The following AQP5 variants were observed in gnomAD, a reference collection of about 807,000 sequenced individuals.
AQP5 encodes aquaporin-5.
A neutral mutation model predicts 19.1 loss-of-function variants in AQP5; 15 were observed. The ratio of observed to expected loss-of-function variants is 0.79; its 90% CI spans 0.53 to 1.21. AQP5 has a LOEUF of 1.21. Among genes scored for constraint, AQP5 ranks in the 50% most tolerant of loss-of-function variants. The pLI, the probability that AQP5 is intolerant of heterozygous loss-of-function variation, is 0.00. For synonymous variants in AQP5, 182 were observed against 160.3 expected (o/e 1.14, Z -1.02); for missense variants, 355 against 357.1 (o/e 0.99, Z 0.05).
At chr12:49,962,696 T>G in intron 1 of AQP5, 4 of 302,144 alleles carry the variant, frequency 1.3e-5, no homozygotes, top group Non-Finnish European at 1.3e-5. Flanking sequence ...CCTGGGCCCC[T>G]CACCTCTCCC....
rs1170327083 is a variant in AQP5, at chr12:49,965,190, A to G, written c.*13A>G. On this transcript the variant is annotated 3_prime_UTR_variant, in exon 4 of 4. Coordinates refer to ENST00000293599, the MANE Select transcript of AQP5 (RefSeq NM_001651.4). ...GACCACCCGCTGACCAGTGTCAGGC[A>G]GGGGCCAGCCCCTCAGCCCCTGAGC... is the stretch of plus-strand genomic sequence containing the variant. 3.8e-6 allele frequency: 6 copies of G among 1,597,180 alleles called. No individual in the cohort carries two copies. Among genetic ancestry groups the G allele is most frequent in the Non-Finnish European group, 5.1e-6 (6 of 1,171,992 alleles).
intron 2 of AQP5, 79 bp downstream of exon 2, chr12:49,963,735 C>A: frequency 6.6e-7 from 1 of 1,521,796 alleles, no homozygotes; most frequent in South Asian, 1.2e-5. Context: ...GAGCGGAGCC[C>A]ACTTCAGATG....
At chr12:49,963,805 GC>G in intron 2 of AQP5, 149 bp downstream of exon 2, 1 of 1,177,568 alleles carries the variant, frequency 8.5e-7, no homozygotes, top group Non-Finnish European at 1.2e-6. Context: ...GCCCTACTGG[GC>G]CCCAGAATTG....
chr12:49,963,592 C>A lies in AQP5; in HGVS notation c.464C>A (p.Thr155Asn), dbSNP rs753119460. ...TTCGCCTCCACTGACTCCCGCCGCA[C>A]CAGCCCTGTGGGCTCCCCAGCCCTG... Reference protein sequence around the residue: ...CIFASTDSRRTSPVGSPALSI... With the variant: ...CIFASTDSRRNSPVGSPALSI... The change falls in exon 2 of 4, where the codon ACC (threonine) becomes AAC (asparagine). Residue 155 changes from threonine (T) to asparagine (N), a missense_variant. Physicochemically the swap from Thr to Asn is moderately conservative, Grantham distance 65 (BLOSUM62 0). Transcript: ENST00000293599. 2 of 1,613,904 alleles carry A rather than the reference C, an allele frequency of 1.2e-6. No homozygotes were observed. The highest frequency in any genetic ancestry group is 1.7e-5 in the Admixed American group (1 of 60,038).
In AQP5 at chr12:49,964,975, T is replaced by C. The variant is rs747023768; in HGVS notation, c.613-17T>C. The C allele has an allele frequency of 4.4e-6, 7 of 1,608,152 alleles. No individual in the cohort carries two copies. In the Admixed American group the frequency reaches 6.7e-5, roughly 15 times the overall value. The stretch of plus-strand genomic sequence containing the variant: ...GTCTGGGGCTCAGCGCCCTGACTCC[T>C]GCCCTGTCTCCACCAGGTTTTCTGG... On this transcript the variant is annotated splice_polypyrimidine_tract_variant and intron_variant, in intron 3 of 3. Transcript: ENST00000293599.
chr12:49,964,618 C>T (rs1380533062), intron 3 of AQP5: 1 of 984,426 alleles, frequency 1.0e-6, no homozygotes, highest in Non-Finnish European at 1.2e-6. Flanking sequence ...CATGGTCACT[C>T]TCTCCAGGGT....
Position 49,965,450 on chromosome 12 carries a change from C to T in AQP5, c.*273C>T, listed in dbSNP as rs975967324. On this transcript the variant is annotated 3_prime_UTR_variant, in exon 4 of 4. Transcript: ENST00000293599. ...TGCCAAGCTCACAGGCTGCAAGGGC[C>T]AGGCCAGAAAAGGGCGGGCCTGCAG... is the stretch of plus-strand genomic sequence containing the variant. The T allele has an allele frequency of 9.8e-5, 32 of 326,330 alleles. 2 individuals are homozygous for T. The East Asian group carries it at 1.8e-3, about 18-fold the overall frequency. The allele number at this position is 326,330 out of a possible 1,614,324, so 20.2% of individuals were successfully genotyped here.
In AQP5 at chr12:49,964,761, T is replaced by C. The variant is rs296754; in HGVS notation, c.613-231T>C. The C allele has an allele frequency of 0.96, 950,589 of 985,266 alleles. 463,975 individuals carry two copies. The highest frequency in any genetic ancestry group is 1 in the Non-Finnish European group (825,954 of 829,928). The allele number at this position is 985,266 out of a possible 1,614,324, so 61.0% of individuals were successfully genotyped here. A position where few individuals can be genotyped will look rare whatever the true frequency, so the allele number is the denominator to read the frequency against. On this transcript the variant is annotated intron_variant, in intron 3 of 3. Transcript: ENST00000293599. ...GAGGGAGCCTGTCCCTCTGGGAATC[T>C]GTTTGCCTTCTTTGAGGGTCTAGGT... is the stretch of plus-strand genomic sequence containing the variant.
chr12:49,962,229 C>CCAT lies in AQP5; in HGVS notation c.215_217dup (p.Ile72dup). 1.9e-6 allele frequency: 3 copies of CCAT among 1,606,636 alleles called. No homozygotes were observed. Among genetic ancestry groups the CCAT allele is most frequent in the Non-Finnish European group, 2.5e-6 (3 of 1,179,858 alleles). ...GTGAGCGGCGGCCACATCAACCCCG[C>CCAT]CATCACCCTGGCCCTCTTGGTGGGC... On this transcript the variant is annotated inframe_insertion, in exon 1 of 4. Transcript: ENST00000293599.
intron 3 of AQP5, among the ~76,000 whole-genome samples, chr12:49,964,438 G>A (rs1947465140): frequency 6.6e-6 from 1 of 151,986 alleles, no homozygotes; most frequent in South Asian, 2.1e-4. Flanking sequence ...ACCTGGAGGT[G>A]CAGAGGGGCT....
intron 3 of AQP5, 106 bp downstream of exon 3, chr12:49,964,281 G>C: frequency 8.3e-7 from 1 of 1,205,020 alleles, no homozygotes. Flanking sequence ...AGAGCTTGGG[G>C]GTGGGCCACG....
Position 49,962,274 on chromosome 12 carries a change from G to C in AQP5, c.257G>C (p.Arg86Pro). The C allele has an allele frequency of 1.2e-6, 2 of 1,607,344 alleles. No homozygotes were observed. Among genetic ancestry groups the C allele is most frequent in the Non-Finnish European group, 1.7e-6 (2 of 1,179,884 alleles). ...GTGGGCAACCAGATCTCGCTGCTCCGGGCTTTCTTCTACGTGGCGGCCCAG... is the reference window on the plus strand; with the variant it reads ...GTGGGCAACCAGATCTCGCTGCTCCCGGCTTTCTTCTACGTGGCGGCCCAG... Reference protein sequence around the residue: ...LLVGNQISLLRAFFYVAAQLV... With the variant: ...LLVGNQISLLPAFFYVAAQLV... The change falls in exon 1 of 4, where the codon CGG becomes CCG. Residue 86 changes from arginine (R) to proline (P), a missense_variant. Arg to Pro is a moderately radical substitution (Grantham distance 103). Coordinates refer to ENST00000293599, the MANE Select transcript of AQP5 (RefSeq NM_001651.4).
chr12:49,964,766 G>A (rs1260363505), intron 3 of AQP5: 5 of 985,272 alleles, frequency 5.1e-6, no homozygotes, highest in African/African-American at 1.7e-5. Flanking sequence ...GAATCTGTTT[G>A]CCTTCTTTGA....
rs113790287 is a variant in AQP5, at chr12:49,962,359, G to A, written c.342G>A (p.Arg114=). Residue 114 remains arginine (R), a synonymous_variant, in exon 1 of 4, where the codon CGG becomes CGA. Coordinates refer to ENST00000293599, the MANE Select transcript of AQP5 (RefSeq NM_001651.4). ...ILYGVAPLNA[R]GNLAVNALNN... ...ACGGTGTGGCACCGCTCAATGCCCG[G>A]GGCAATCTGGCCGTCAACGCGGTGA... is the stretch of plus-strand genomic sequence containing the variant. 47 of 1,596,798 alleles carry A rather than the reference G, an allele frequency of 2.9e-5. No homozygotes were observed. The African/African-American group carries it at 5.3e-4, about 18-fold the overall frequency.
At position 49,964,169 on chromosome 12, in the gene AQP5, T is replaced by A; in HGVS notation, c.606T>A (p.Ala202=). Residue 202 remains alanine (A), a synonymous_variant, in exon 3 of 4, where the codon GCT becomes GCA. Coordinates refer to ENST00000293599, the MANE Select transcript of AQP5 (RefSeq NM_001651.4). ...PAVVMNRFSP[A]HWVFWVGPIV... Reference sequence around the variant, plus strand: ...TGGTCATGAATCGGTTCAGCCCCGCTCACTGGGTGAGTCTGTCCCTTCCCC... The same window carrying A: ...TGGTCATGAATCGGTTCAGCCCCGCACACTGGGTGAGTCTGTCCCTTCCCC... The A allele has an allele frequency of 6.2e-7, 1 of 1,614,014 alleles. No homozygotes were observed. Among genetic ancestry groups the A allele is most frequent in the South Asian group, 1.1e-5 (1 of 91,080 alleles).
At chr12:49,963,754 C>T in intron 2 of AQP5, 98 bp downstream of exon 2, 1 of 1,446,724 alleles carries the variant, frequency 6.9e-7, no homozygotes, top group Non-Finnish European at 9.2e-7. Flanking sequence ...TGGATGAGTC[C>T]AGCAGAGTTT....
intron 3 of AQP5, 46 bp downstream of exon 3, chr12:49,964,221 G>T: frequency 6.3e-7 from 1 of 1,582,126 alleles, no homozygotes; most frequent in Non-Finnish European, 8.7e-7. Flanking sequence ...AGGGCCTGGA[G>T]ACCCAGCAGT....
chr12:49,963,952 A>G (rs937383135), intron 2 of AQP5, 140 bp from the exon 3 acceptor site: 3 of 886,030 alleles, frequency 3.4e-6, no homozygotes, highest in Non-Finnish European at 5.4e-6. Flanking sequence ...AGCAGCTGGG[A>G]TCCTTGGAGG....
rs1190089672 is a variant in AQP5, at chr12:49,965,381, G to C, written c.*204G>C. On this transcript the variant is annotated 3_prime_UTR_variant, in exon 4 of 4. Transcript: ENST00000293599. ...AGGGGCCAGGGGCTGGGGTCTGCTG[G>C]GGACAGGTCTCTCTGGGACAGACCT... 1 of 592,648 alleles carries C rather than the reference G, an allele frequency of 1.7e-6. No individual in the cohort carries two copies. Among genetic ancestry groups the C allele is most frequent in the East Asian group, 3.0e-5 (1 of 33,044 alleles). The allele number at this position is 592,648 out of a possible 1,614,324, so 36.7% of individuals were successfully genotyped here.
Sources: gnomAD v4.1 joint callset for allele counts (sites outside exome capture counted in the v4.1 genomes callset) on GRCh38, gnomAD v4.1.1 for gene constraint, MANE v1.5 for transcripts, NCBI Gene and HGNC (gene_info 2026-07-23, HGNC 2026-07-21) for gene names.